The following SUPT3H variants were observed in gnomAD, a reference collection of about 807,000 sequenced individuals.
SUPT3H encodes SPT3 homolog, SAGA and STAGA complex component, also known as transcription initiation protein SPT3 homolog.
Under a neutral mutation model 44.3 loss-of-function variants are expected in SUPT3H, and 44 were observed. That is an observed-to-expected ratio of 0.99 (90% CI 0.78 to 1.28). The LOEUF is 1.28. Ranked by LOEUF, SUPT3H falls within the 50% of genes most tolerant of loss-of-function variation. The pLI, the probability that SUPT3H is intolerant of heterozygous loss-of-function variation, is 0.00. For synonymous variants in SUPT3H, 124 were observed against 125.6 expected (o/e 0.99, Z 0.09); for missense variants, 380 against 387.1 (o/e 0.98, Z 0.15).
rs150937991 is a variant in SUPT3H, at chr6:45,346,684, C to A, written c.101+18517G>T. ...CTGGGTTCAAGCAATTCTCTTGCCT[C>A]TGCCTGACTAGCTGGGATTACAGGT... On this transcript the variant is annotated intron_variant, in intron 2 of 10. Transcript: ENST00000371459. Among the ~76,000 whole-genome samples, 488 of 151,696 alleles carry A rather than the reference C, an allele frequency of 3.2e-3. 1 individual carries two copies. The highest frequency in any genetic ancestry group is 5.2e-3 in the Non-Finnish European group (356 of 67,944).
chr6:45,150,685 C>A (rs1291988447), intron 2 of SUPT3H, among the ~76,000 whole-genome samples: 2 of 150,744 alleles, frequency 1.3e-5, no homozygotes, highest in African/African-American at 4.9e-5. Context: ...GATTCTCAGA[C>A]CAACTTCTAC....
intron 6 of SUPT3H, among the ~76,000 whole-genome samples, chr6:44,968,749 T>G (rs1019208076): frequency 3.9e-5 from 6 of 152,146 alleles, no homozygotes; most frequent in Non-Finnish European, 7.3e-5. Flanking sequence ...TTCACTGTAG[T>G]AGGCTGTCCT....
chr6:45,273,111 G>A (rs188085413), intron 2 of SUPT3H, among the ~76,000 whole-genome samples: 3 of 152,286 alleles, frequency 2.0e-5, no homozygotes, highest in South Asian at 2.1e-4. Flanking sequence ...GGCACCCATC[G>A]GGTGGAAAGT....
intron 10 of SUPT3H, among the ~76,000 whole-genome samples, chr6:44,830,389 AT>A (rs1768430854): frequency 6.6e-6 from 1 of 152,206 alleles, no homozygotes; most frequent in Admixed American, 6.6e-5. Context: ...TGTAGACAGT[AT>A]CAAAAATGCA....
At chr6:45,249,581 T>C (rs950511487) in intron 2 of SUPT3H, among the ~76,000 whole-genome samples, 16 of 152,168 alleles carry the variant, frequency 1.1e-4, no homozygotes, top group Admixed American at 1.0e-3. Context: ...AGAAGCTGTA[T>C]GCCACAGAAC....
At chr6:45,045,710 T>C (rs1424898925) in intron 3 of SUPT3H, among the ~76,000 whole-genome samples, 1 of 152,322 alleles carries the variant, frequency 6.6e-6, no homozygotes, top group Non-Finnish European at 1.5e-5. Context: ...CATTCACATA[T>C]ATTCTTTTAT....
In SUPT3H at chr6:45,063,052, A is replaced by G. The variant is rs558013844; in HGVS notation, c.187-42420T>C. Among the ~76,000 whole-genome samples the G allele has an allele frequency of 3.3e-5, 5 of 150,116 alleles. No individual in the cohort carries two copies. The South Asian group carries it at 1.1e-3, about 32-fold the overall frequency. On this transcript the variant is annotated intron_variant, in intron 3 of 10. Transcript: ENST00000371459. ...GACAGCAGTAACCTCTGCAGACTTA[A>G]GTGTCCCTGTCTGACAGCTTTGAAG...
chr6:44,908,125 G>C, intron 10 of SUPT3H, among the ~76,000 whole-genome samples: 1 of 151,174 alleles, frequency 6.6e-6, no homozygotes, highest in Non-Finnish European at 1.5e-5. Context: ...AATGTAGCAA[G>C]ATTTTTAGAA....
chr6:44,834,119 G>C (rs1000066345), intron 10 of SUPT3H, among the ~76,000 whole-genome samples: 24 of 152,170 alleles, frequency 1.6e-4, no homozygotes, highest in African/African-American at 5.5e-4. Flanking sequence ...TGGAGATTAG[G>C]CTTTGGAATG....
intron 10 of SUPT3H, among the ~76,000 whole-genome samples, chr6:44,899,548 G>T (rs1211347714): frequency 6.6e-6 from 1 of 152,100 alleles, no homozygotes; most frequent in African/African-American, 2.4e-5. Context: ...TTAGCCAGGT[G>T]TGGTGGCGGG....
rs538228833 is a variant in SUPT3H, at chr6:45,308,979, GA to G, written c.101+56221del. Reference sequence around the variant, plus strand: ...TAAAAACAGAATGTCTAAATATTTGGAAAAAAAAAAGGTGCACAATTTGGTT... The same window carrying G: ...TAAAAACAGAATGTCTAAATATTTGGAAAAAAAAAGGTGCACAATTTGGTT... On this transcript the variant is annotated intron_variant, in intron 2 of 10. Transcript: ENST00000371459. 9.9e-3 allele frequency among the ~76,000 whole-genome samples: 1,035 copies of G among 104,322 alleles called. 12 individuals are homozygous for G. Among genetic ancestry groups the G allele is most frequent in the Non-Finnish European group, 0.012 (642 of 51,372 alleles). 68.4% of individuals were successfully genotyped at this position (104,322 alleles called of 152,430 possible). A position where few individuals can be genotyped will look rare whatever the true frequency, so the allele number is the denominator to read the frequency against.
rs1562572907 is a variant in SUPT3H at position 45,158,290 on chromosome 6, A to ATTTTTTTTTTTTTTT, written c.102-52285_102-52284insAAAAAAAAAAAAAAA. The stretch of plus-strand genomic sequence containing the variant: ...TATAAATATACATATATATATATAT[A>ATTTTTTTTTTTTTTT]TATATATATTTTTTTTTTTTTTTTT... On this transcript the variant is annotated intron_variant, in intron 2 of 10. Coordinates refer to ENST00000371459, the MANE Select transcript of SUPT3H (RefSeq NM_003599.4). Among the ~76,000 whole-genome samples the ATTTTTTTTTTTTTTT allele has an allele frequency of 5.0e-5, 2 of 39,788 alleles. 1 individual carries two copies. The highest frequency in any genetic ancestry group is 1.1e-4 in the Non-Finnish European group (2 of 18,506). 26.1% of individuals were successfully genotyped at this position (39,788 alleles called of 152,430 possible). A position where few individuals can be genotyped will look rare whatever the true frequency, so the allele number is the denominator to read the frequency against.
Position 44,828,761 on chromosome 6 carries a change from A to ATTCT in SUPT3H, c.*1051_*1054dup, listed in dbSNP as rs1768089457. On this transcript the variant is annotated 3_prime_UTR_variant, in exon 11 of 11. Transcript: ENST00000371459. ...ATGTTTCTCATTTCTGTTTTTATTA[A>ATTCT]TTCTTTAGAAAGAGTGTTTCAAGTA... The ATTCT allele has an allele frequency of 6.6e-6, 1 of 152,542 alleles. No homozygotes were observed. Among genetic ancestry groups the ATTCT allele is most frequent in the Admixed American group, 6.5e-5 (1 of 15,284 alleles). The allele number at this position is 152,542 out of a possible 1,614,324, so 9.4% of individuals were successfully genotyped here. A position where few individuals can be genotyped will look rare whatever the true frequency, so the allele number is the denominator to read the frequency against.
chr6:45,237,740 T>C (rs1769470328), intron 2 of SUPT3H, among the ~76,000 whole-genome samples: 1 of 152,138 alleles, frequency 6.6e-6, no homozygotes, highest in African/African-American at 2.4e-5. Context: ...AGGACTTAGT[T>C]CCTGAACAAT....
chr6:45,258,236 A>T (rs2763135), intron 2 of SUPT3H, among the ~76,000 whole-genome samples: 5,303 of 152,338 alleles, frequency 0.035, 123 homozygotes, highest in Non-Finnish European at 0.056. Flanking sequence ...CTCAAAGAAC[A>T]TGTTTATGTA....
At chr6:45,110,977 A>G (rs1322979385) in intron 2 of SUPT3H, among the ~76,000 whole-genome samples, 3 of 152,190 alleles carry the variant, frequency 2.0e-5, no homozygotes, top group East Asian at 1.9e-4. Flanking sequence ...ACAAAACAGC[A>G]TAAAATAAAC....
At chr6:45,312,688 G>C (rs1490854230) in intron 2 of SUPT3H, among the ~76,000 whole-genome samples, 9 of 137,664 alleles carry the variant, frequency 6.5e-5, no homozygotes, top group East Asian at 4.6e-4. Flanking sequence ...AATGTGGGGG[G>C]GGGGGGGGAC....
At chr6:45,191,067 T>C (rs1815047958) in intron 2 of SUPT3H, among the ~76,000 whole-genome samples, 1 of 152,146 alleles carries the variant, frequency 6.6e-6, no homozygotes. Context: ...CCTTGGTATT[T>C]ACTCAAAGGT....
intron 6 of SUPT3H, among the ~76,000 whole-genome samples, chr6:44,962,146 A>C (rs565337822): frequency 6.6e-6 from 1 of 152,354 alleles, no homozygotes; most frequent in African/African-American, 2.4e-5. Context: ...ATAATAAACC[A>C]AACAGAAAAA....
Sources: allele counts gnomAD v4.1 joint callset (sites outside exome capture counted in the v4.1 genomes callset), GRCh38; gene constraint gnomAD v4.1.1; transcripts MANE v1.5; gene names NCBI Gene and HGNC (gene_info 2026-07-23, HGNC 2026-07-21).